Variants in MYH15 observed in about 807,000 individuals in gnomAD.
MYH15 encodes myosin-15.
In MYH15, 227 loss-of-function variants were observed where a neutral mutation model predicts 240.5. The observed-to-expected ratio is 0.94, with a 90% CI of 0.85 to 1.05. The LOEUF is 1.05. Ranked by LOEUF, MYH15 falls within the 50% of genes least tolerant of loss-of-function variation. The probability of loss-of-function intolerance (pLI) is 0.00; values close to 1 mark genes in which losing one functional copy is unlikely to be tolerated. For synonymous variants in MYH15, 785 were observed against 796.7 expected (o/e 0.99, Z 0.25); for missense variants, 2,217 against 2,247.5 (o/e 0.99, Z 0.27).
the MYH15 span, among the ~76,000 whole-genome samples, chr3:108,535,813 A>G: frequency 0.14 from 21,712 of 152,202 alleles, 1,857 homozygotes; most frequent in East Asian, 0.39. Context: ...CCAAAAGACA[A>G]AACAAACAAA....
At chr3:108,403,404 G>A (rs996073217) in intron 33 of MYH15, among the ~76,000 whole-genome samples, 3 of 152,098 alleles carry the variant, frequency 2.0e-5, no homozygotes, top group Admixed American at 2.0e-4. Context: ...TATGGGCATA[G>A]GACCTTGAAC....
chr3:108,393,250 C>A (rs140909124), intron 36 of MYH15, among the ~76,000 whole-genome samples: 25 of 152,254 alleles, frequency 1.6e-4, no homozygotes, highest in Middle Eastern at 3.4e-3. Flanking sequence ...CACAAAAGCT[C>A]TTGATGGAGA....
At chr3:108,416,736 C>A in intron 29 of MYH15, 76 bp downstream of exon 29, 1 of 1,189,128 alleles carries the variant, frequency 8.4e-7, no homozygotes, top group Admixed American at 2.0e-5. Context: ...CATCTTCAGG[C>A]TGATTCATCA....
chr3:108,461,464 A>C (rs1018839053), intron 16 of MYH15, among the ~76,000 whole-genome samples: 1 of 152,164 alleles, frequency 6.6e-6, no homozygotes, highest in Non-Finnish European at 1.5e-5. Context: ...GTATTTTCAG[A>C]GGGTGCTTAA....
chr3:108,544,482 T>C, the MYH15 span, among the ~76,000 whole-genome samples: 1 of 152,176 alleles, frequency 6.6e-6, no homozygotes, highest in East Asian at 1.9e-4. Context: ...AATATGCTCC[T>C]TGGATCGACC....
chr3:108,432,350 A>T (rs761281425), intron 25 of MYH15, among the ~76,000 whole-genome samples: 11 of 152,014 alleles, frequency 7.2e-5, no homozygotes, highest in Non-Finnish European at 1.2e-4. Flanking sequence ...GAGCCACTGC[A>T]CCCTGCCTGC....
chr3:108,483,940 T>C (rs1419680602), intron 11 of MYH15, among the ~76,000 whole-genome samples: 2 of 152,202 alleles, frequency 1.3e-5, no homozygotes, highest in Admixed American at 1.3e-4. Context: ...TGGGGAGTTT[T>C]GGTTTAATAA....
chr3:108,470,697 C>A lies in MYH15; in HGVS notation c.1383+1G>T. The A allele has an allele frequency of 6.2e-7, 1 of 1,613,402 alleles. No homozygotes were observed. Among genetic ancestry groups the A allele is most frequent in the Non-Finnish European group, 8.5e-7 (1 of 1,179,638 alleles). Reference sequence around the variant, plus strand: ...ACTTCCTTCTTACCAGATACACTTACCTCAAGGATTTCAAAACCAGTGATG... The same window carrying A: ...ACTTCCTTCTTACCAGATACACTTAACTCAAGGATTTCAAAACCAGTGATG... On this transcript the variant is annotated splice_donor_variant, in intron 13 of 40. Transcript: ENST00000693548. LOFTEE classifies it high-confidence loss of function.
At chr3:108,398,559 T>C (rs1576208122) in intron 35 of MYH15, 78 bp downstream of exon 35, 2 of 1,451,274 alleles carry the variant, frequency 1.4e-6, no homozygotes, top group South Asian at 1.2e-5. Flanking sequence ...CTGTGCATGG[T>C]CCAAGGCCGC....
At chr3:108,532,308 C>T (rs182528626), upstream of MYH15, among the ~76,000 whole-genome samples, 200 of 151,960 alleles carry the variant, frequency 1.3e-3, 1 homozygote, top group Admixed American at 3.0e-3. Flanking sequence ...TATGGGTAGA[C>T]CTTATCCAAT....
intron 17 of MYH15, among the ~76,000 whole-genome samples, chr3:108,459,834 G>C (rs1373672323): frequency 1.3e-5 from 2 of 152,196 alleles, no homozygotes; most frequent in African/African-American, 4.8e-5. Context: ...TCTGGTTCAA[G>C]AGATTTTTAG....
rs1165863212 is a variant in MYH15, at chr3:108,500,195, T to C, written c.419A>G (p.Tyr140Cys). The change falls in exon 4 of 41, where the codon TAC becomes TGC. Residue 140 changes from tyrosine (Y) to cysteine (C), a missense_variant. Tyr to Cys is a radical substitution (Grantham distance 194). Coordinates refer to ENST00000693548, the MANE Select transcript of MYH15 (RefSeq NM_014981.3). ...AGCCTCTGATCGCCTCTTCCCTTTGTAGGCGGCCATGACTTCTTTCTGATA... is the reference window on the plus strand; with the variant it reads ...AGCCTCTGATCGCCTCTTCCCTTTGCAGGCGGCCATGACTTCTTTCTGATA... ...PVYQKEVMAA[Y>C]KGKRRSEAPP... 5 of 1,614,006 alleles carry C rather than the reference T, an allele frequency of 3.1e-6. No homozygotes were observed. The highest frequency in any genetic ancestry group is 1.7e-5 in the Admixed American group (1 of 60,008).
intron 9 of MYH15, among the ~76,000 whole-genome samples, chr3:108,491,645 C>T (rs1171785179): frequency 3.3e-5 from 5 of 152,126 alleles, no homozygotes; most frequent in Non-Finnish European, 7.3e-5. Flanking sequence ...CTGCCCATTA[C>T]CAGCTTAATC....
rs1451774379 is a variant in MYH15, at chr3:108,476,627, A to T, written c.1115-112T>A. 1.1e-5 allele frequency: 7 copies of T among 633,904 alleles called. No homozygotes were observed. In the East Asian group the frequency reaches 1.9e-4, roughly 17 times the overall value. The allele number at this position is 633,904 out of a possible 1,614,324, so 39.3% of individuals were successfully genotyped here. On this transcript the variant is annotated intron_variant, in intron 11 of 40. Transcript: ENST00000693548. ...GACAGAAAGATAGTGTGTTTACATCAGCGTAGCAAAGTAGATTGTAGTTTT... is the reference window on the plus strand; with the variant it reads ...GACAGAAAGATAGTGTGTTTACATCTGCGTAGCAAAGTAGATTGTAGTTTT...
intron 1 of MYH15, among the ~76,000 whole-genome samples, chr3:108,509,419 C>A (rs1225097034): frequency 6.6e-6 from 1 of 152,122 alleles, no homozygotes; most frequent in African/African-American, 2.4e-5. Context: ...CAGTTCTGAC[C>A]TCAGGGATAG....
chr3:108,390,804 T>A (rs1277271930), intron 37 of MYH15, among the ~76,000 whole-genome samples: 3 of 152,240 alleles, frequency 2.0e-5, no homozygotes, highest in Non-Finnish European at 4.4e-5. Context: ...AACTTGTTTT[T>A]TTAATTATAA....
chr3:108,447,497 C>G (rs932381483), intron 21 of MYH15, among the ~76,000 whole-genome samples: 1 of 151,978 alleles, frequency 6.6e-6, no homozygotes, highest in Admixed American at 6.6e-5. Context: ...TATAATGAAA[C>G]CCTCATGAGA....
At chr3:108,443,447 T>G (rs902822008) in intron 22 of MYH15, among the ~76,000 whole-genome samples, 5 of 152,250 alleles carry the variant, frequency 3.3e-5, no homozygotes, top group African/African-American at 1.2e-4. Flanking sequence ...AACTGTTGTT[T>G]CTTGTTTAAA....
At chr3:108,429,631 A>G (rs963596898) in intron 26 of MYH15, among the ~76,000 whole-genome samples, 4 of 152,232 alleles carry the variant, frequency 2.6e-5, no homozygotes, top group African/African-American at 9.6e-5. Context: ...CACTGATGTT[A>G]TTATCATCAC....
Sources: allele counts gnomAD v4.1 joint callset (sites outside exome capture counted in the v4.1 genomes callset), GRCh38; gene constraint gnomAD v4.1.1; transcripts MANE v1.5; gene names NCBI Gene and HGNC (gene_info 2026-07-23, HGNC 2026-07-21).